PCGF5: variants seen among roughly 807,000 people sequenced by gnomAD.
PCGF5 encodes the protein polycomb group RING finger protein 5.
Under a neutral mutation model 44.3 loss-of-function variants are expected in PCGF5, and 9 were observed. The observed-to-expected ratio is 0.20, with a 90% confidence interval of 0.12 to 0.35. PCGF5 has a LOEUF of 0.35. PCGF5 is among the 10% of genes least tolerant of loss of function. PCGF5 has a pLI of 1.00. For synonymous variants in PCGF5, 95 were observed against 102.5 expected, an observed-to-expected ratio of 0.93 and a Z score of 0.44; for missense variants, 146 against 305.3, an observed-to-expected ratio of 0.48 and a Z score of 3.89.
intron 1 of PCGF5, among the ~76,000 whole-genome samples, chr10:91,195,509 C>T (rs75283220): frequency 0.022 from 3,218 of 143,418 alleles, 108 homozygotes; most frequent in African/African-American, 0.074. Flanking sequence ...GAGAGAGAGA[C>T]GCAGGGTCTC....
In PCGF5 at chr10:91,280,569, C is replaced by G. The variant is rs974220519; in HGVS notation, c.*2253C>G. 7 of 152,456 alleles carry G rather than the reference C, an allele frequency of 4.6e-5. No homozygotes were observed. The highest frequency in any genetic ancestry group is 1.7e-4 in the African/African-American group (7 of 41,446). The allele number at this position is 152,456 out of a possible 1,614,324, so 9.4% of individuals were successfully genotyped here. A position where few individuals can be genotyped will look rare whatever the true frequency, so the allele number is the denominator to read the frequency against. On this transcript the variant is annotated 3_prime_UTR_variant, in exon 10 of 10. Transcript: ENST00000336126. ...TGTGCCAAAACACGTGAAAAGCTTA[C>G]ATAAAGAAAGGCATCAGTTGTCGTT... is the stretch of plus-strand genomic sequence containing the variant.
intron 6 of PCGF5, among the ~76,000 whole-genome samples, chr10:91,254,712 A>G (rs1845705823): frequency 2.6e-5 from 4 of 152,128 alleles, no homozygotes; most frequent in Admixed American, 2.0e-4. Flanking sequence ...TTTATAATAC[A>G]GAAGTCAAAG....
At chr10:91,272,942 A>T (rs1257455312) in intron 9 of PCGF5, among the ~76,000 whole-genome samples, 1 of 152,230 alleles carries the variant, frequency 6.6e-6, no homozygotes, top group East Asian at 1.9e-4. Flanking sequence ...GAGTTGGGAC[A>T]AATGAATGTA....
At chr10:91,264,403 A>G (rs1445562185) in intron 7 of PCGF5, 28 bp from the exon 8 acceptor site, 2 of 1,476,924 alleles carry the variant, frequency 1.4e-6, no homozygotes, top group East Asian at 2.3e-5. Flanking sequence ...ACATTATGTT[A>G]ATAGATCTAT....
intron 2 of PCGF5, among the ~76,000 whole-genome samples, chr10:91,236,125 G>T (rs921875836): frequency 2.0e-5 from 3 of 152,140 alleles, no homozygotes; most frequent in South Asian, 4.2e-4. Context: ...ATGAATTTTT[G>T]ATTTTGATGC....
At chr10:91,159,428 C>T (rs1294811816), upstream of PCGF5, among the ~76,000 whole-genome samples, 1 of 152,018 alleles carries the variant, frequency 6.6e-6, no homozygotes, top group Non-Finnish European at 1.5e-5. Flanking sequence ...GAGTGGAGTC[C>T]TCATTAATGG....
intron 2 of PCGF5, among the ~76,000 whole-genome samples, chr10:91,234,114 A>G (rs920122591): frequency 1.3e-5 from 2 of 152,214 alleles, no homozygotes; most frequent in African/African-American, 2.4e-5. Flanking sequence ...GCAACAACAA[A>G]TGACCTTGTA....
chr10:91,257,037 G>A (rs530914789), intron 6 of PCGF5, among the ~76,000 whole-genome samples: 59 of 152,092 alleles, frequency 3.9e-4, no homozygotes, highest in Non-Finnish European at 6.0e-4. Flanking sequence ...GTTACAGAAC[G>A]GGAAAAAATA....
intron 6 of PCGF5, among the ~76,000 whole-genome samples, chr10:91,257,256 A>G (rs1299570978): frequency 2.0e-5 from 3 of 152,106 alleles, no homozygotes; most frequent in African/African-American, 4.8e-5. Flanking sequence ...CCACAATGAG[A>G]TATCATTTTA....
At chr10:91,190,907 CTTAT>C (rs1344799071) in intron 1 of PCGF5, among the ~76,000 whole-genome samples, 1 of 152,166 alleles carries the variant, frequency 6.6e-6, no homozygotes, top group Non-Finnish European at 1.5e-5. Context: ...CAAAATATAT[CTTAT>C]TTATTCTTCC....
intron 6 of PCGF5, 145 bp from the exon 7 acceptor site, chr10:91,261,181 A>C: frequency 9.4e-7 from 1 of 1,066,866 alleles, no homozygotes; most frequent in Non-Finnish European, 1.2e-6. Flanking sequence ...GCAAATACTA[A>C]AAAGCTATAA....
At chr10:91,168,104 G>A (rs970011402) in intron 1 of PCGF5, among the ~76,000 whole-genome samples, 1 of 152,206 alleles carries the variant, frequency 6.6e-6, no homozygotes, top group Admixed American at 6.5e-5. Flanking sequence ...CTTGTATGTG[G>A]CTATGGACCA....
At chr10:91,194,464 A>G (rs1844090621) in intron 1 of PCGF5, among the ~76,000 whole-genome samples, 1 of 152,204 alleles carries the variant, frequency 6.6e-6, no homozygotes, top group Non-Finnish European at 1.5e-5. Flanking sequence ...TGGCAAGGAA[A>G]CAAATTCTCC....
chr10:91,224,884 A>G (rs1227931619), intron 2 of PCGF5, among the ~76,000 whole-genome samples: 1 of 152,124 alleles, frequency 6.6e-6, no homozygotes, highest in African/African-American at 2.4e-5. Flanking sequence ...GTTATATTCT[A>G]CTTCCGTTTC....
intron 2 of PCGF5, among the ~76,000 whole-genome samples, chr10:91,238,709 C>G (rs1239467927): frequency 7.4e-6 from 1 of 135,402 alleles, no homozygotes; most frequent in African/African-American, 2.7e-5. Flanking sequence ...TGAAGGAATT[C>G]AGCTTCTCTG....
At chr10:91,264,816 G>T (rs1402467447) in intron 8 of PCGF5, among the ~76,000 whole-genome samples, 2 of 152,120 alleles carry the variant, frequency 1.3e-5, no homozygotes, top group Non-Finnish European at 2.9e-5. Context: ...CCAATAAGTT[G>T]TTGGAACATT....
intron 2 of PCGF5, among the ~76,000 whole-genome samples, chr10:91,234,840 G>C (rs1845111075): frequency 6.6e-6 from 1 of 152,202 alleles, no homozygotes; most frequent in East Asian, 1.9e-4. Flanking sequence ...TTGCCTAATG[G>C]CAGTACTGGG....
intron 1 of PCGF5, among the ~76,000 whole-genome samples, chr10:91,170,833 A>C (rs1385261236): frequency 1.3e-5 from 2 of 152,266 alleles, no homozygotes; most frequent in African/African-American, 4.8e-5. Flanking sequence ...AGCTTTCTTC[A>C]TAATTGCCAA....
chr10:91,226,289 TAAAAAA>T (rs66465569), intron 2 of PCGF5, among the ~76,000 whole-genome samples: 11 of 75,140 alleles, frequency 1.5e-4, no homozygotes, highest in African/African-American at 3.2e-4. Flanking sequence ...TTAAGAAATG[TAAAAAA>T]AAAAAAAAAA....
Sources: gnomAD v4.1 joint callset for allele counts (sites outside exome capture counted in the v4.1 genomes callset) on GRCh38, gnomAD v4.1.1 for gene constraint, MANE v1.5 for transcripts, NCBI Gene and HGNC (gene_info 2026-07-23, HGNC 2026-07-21) for gene names.